Variants in SLC35F4 observed in about 807,000 individuals in gnomAD.
The protein encoded by SLC35F4 is chromosome 14 open reading frame 36.
SLC35F4 carries 24 observed loss-of-function variants against 44.2 expected under a neutral mutation model. The ratio of observed to expected loss-of-function variants is 0.54; its 90% confidence interval spans 0.39 to 0.76. The LOEUF (loss-of-function observed/expected upper bound fraction) is 0.76. Among genes scored for constraint, SLC35F4 ranks in the 30% least tolerant of loss-of-function variants. The probability of loss-of-function intolerance (pLI) is 0.00; values close to 1 mark genes in which losing one functional copy is unlikely to be tolerated. For synonymous variants in SLC35F4, 238 were observed against 223.6 expected (o/e 1.06, Z -0.57); for missense variants, 562 against 586.1 (o/e 0.96, Z 0.42).
chr14:57,611,656 G>A (rs1475589626), intron 1 of SLC35F4, among the ~76,000 whole-genome samples: 1 of 152,084 alleles, frequency 6.6e-6, no homozygotes, highest in Non-Finnish European at 1.5e-5. Context: ...CAAGGAGATT[G>A]AAAGTGAAAG....
chr14:57,661,870 C>T (rs1164625741), intron 1 of SLC35F4, among the ~76,000 whole-genome samples: 1 of 152,120 alleles, frequency 6.6e-6, no homozygotes, highest in Admixed American at 6.6e-5. Context: ...TAATAATGAC[C>T]ACACACTGAG....
At chr14:57,833,017 G>A (rs920574328) in intron 1 of SLC35F4, among the ~76,000 whole-genome samples, 6 of 152,172 alleles carry the variant, frequency 3.9e-5, no homozygotes, top group Non-Finnish European at 5.9e-5. Flanking sequence ...GTAGGAACAC[G>A]AGAGCAGGTG....
chr14:57,964,547 G>A (rs190856742), intron 1 of SLC35F4, among the ~76,000 whole-genome samples: 1 of 152,260 alleles, frequency 6.6e-6, no homozygotes, highest in African/African-American at 2.4e-5. Context: ...TGGCAGTCAA[G>A]AGATTAAAAT....
chr14:57,607,998 G>A (rs774201877), intron 1 of SLC35F4, among the ~76,000 whole-genome samples: 1 of 152,156 alleles, frequency 6.6e-6, no homozygotes, highest in African/African-American at 2.4e-5. Flanking sequence ...AGGAGGACCT[G>A]GTTTGTGGGA....
At chr14:57,653,959 TG>T (rs1233228438) in intron 1 of SLC35F4, among the ~76,000 whole-genome samples, 2 of 152,140 alleles carry the variant, frequency 1.3e-5, no homozygotes, top group African/African-American at 2.4e-5. Context: ...TAGCTTCTGG[TG>T]GTTTGTTGGC....
chr14:57,829,412 C>T (rs1240246145), intron 1 of SLC35F4, among the ~76,000 whole-genome samples: 1 of 152,124 alleles, frequency 6.6e-6, no homozygotes, highest in East Asian at 1.9e-4. Context: ...TGCTGTCATA[C>T]TTTATTAATG....
At chr14:57,690,924 C>T (rs902715778) in intron 1 of SLC35F4, among the ~76,000 whole-genome samples, 1 of 152,138 alleles carries the variant, frequency 6.6e-6, no homozygotes. Context: ...GCCCGCTGCT[C>T]ACCTCCTGCT....
At chr14:57,953,011 G>A (rs868500022) in intron 1 of SLC35F4, among the ~76,000 whole-genome samples, 1 of 152,040 alleles carries the variant, frequency 6.6e-6, no homozygotes, top group African/African-American at 2.4e-5. Flanking sequence ...TTGAAATGAA[G>A]GAAAAAATGT....
rs10131097 is a variant in SLC35F4 at position 57,772,908 on chromosome 14, T to C, written c.103+92815A>G. On this transcript the variant is annotated intron_variant, in intron 1 of 7. Transcript: ENST00000556826. ...TGCCAGATCAAATGGTAGTTCTATT[T>C]TTAGTTCTTTGAGAAATCTCCGTAC... 7.3e-3 allele frequency among the ~76,000 whole-genome samples: 1,107 copies of C among 152,326 alleles called. 11 individuals are homozygous for C. Among genetic ancestry groups the C allele is most frequent in the African/African-American group, 0.025 (1,051 of 41,562 alleles).
At chr14:57,680,873 CACAA>C (rs2074875872) in intron 1 of SLC35F4, among the ~76,000 whole-genome samples, 1 of 151,966 alleles carries the variant, frequency 6.6e-6, no homozygotes, top group African/African-American at 2.4e-5. Flanking sequence ...TAAGAGAGGA[CACAA>C]ACAAATGGAA....
chr14:57,940,278 G>C (rs532210664), intron 1 of SLC35F4, among the ~76,000 whole-genome samples: 1 of 152,246 alleles, frequency 6.6e-6, no homozygotes, highest in East Asian at 1.9e-4. Context: ...TGATGAGAAT[G>C]GGTTTTTTGC....
chr14:57,815,970 T>G (rs192243630), intron 1 of SLC35F4, among the ~76,000 whole-genome samples: 79 of 152,180 alleles, frequency 5.2e-4, no homozygotes, highest in Non-Finnish European at 8.5e-4. Flanking sequence ...AAAAACCTAT[T>G]GATAAAGAAG....
chr14:57,833,878 A>G (rs1299655443), intron 1 of SLC35F4, among the ~76,000 whole-genome samples: 1 of 152,236 alleles, frequency 6.6e-6, no homozygotes. Flanking sequence ...TTTTAAATGC[A>G]CGTTAACAAG....
intron 1 of SLC35F4, among the ~76,000 whole-genome samples, chr14:57,615,207 T>C (rs1275500720): frequency 1.3e-5 from 2 of 152,172 alleles, no homozygotes; most frequent in Non-Finnish European, 2.9e-5. Context: ...GCCATGACAA[T>C]TGAGAACATT....
At position 57,918,708 on chromosome 14, in the gene SLC35F4, C is replaced by G. The variant is rs555004705; in HGVS notation, n.282+63205G>C. ...AGTGAATTGGGACCTTGACCCACAC[C>G]TGCTGCTGACTCTTCTATAGAACTT... On this transcript the variant is annotated intron_variant and non_coding_transcript_variant, in intron 1 of 1. Transcript: ENST00000556568. 4.6e-5 allele frequency among the ~76,000 whole-genome samples: 7 copies of G among 152,266 alleles called. No homozygotes were observed. The South Asian group carries it at 6.2e-4, about 14-fold the overall frequency.
At chr14:57,592,768 C>CCT (rs2070271490) in intron 2 of SLC35F4, among the ~76,000 whole-genome samples, 1 of 152,104 alleles carries the variant, frequency 6.6e-6, no homozygotes, top group Non-Finnish European at 1.5e-5. Flanking sequence ...CTCTGTTTAC[C>CCT]CTTCCCCCAC....
chr14:57,800,598 G>A (rs1313575367), intron 1 of SLC35F4, among the ~76,000 whole-genome samples: 1 of 152,136 alleles, frequency 6.6e-6, no homozygotes, highest in African/African-American at 2.4e-5. Context: ...GTATCCCAAT[G>A]CAAAGAAGCT....
intron 1 of SLC35F4, among the ~76,000 whole-genome samples, chr14:57,709,155 T>C (rs2347349): frequency 0.4 from 60,081 of 151,836 alleles, 11,926 homozygotes; most frequent in Middle Eastern, 0.43. Flanking sequence ...TAGAGTCTTC[T>C]CTAGACTCCC....
At chr14:57,752,720 A>G (rs1037373959) in intron 1 of SLC35F4, among the ~76,000 whole-genome samples, 1 of 152,032 alleles carries the variant, frequency 6.6e-6, no homozygotes, top group African/African-American at 2.4e-5. Context: ...CGGCCTCCCA[A>G]AGTGCTGGGA....
Sources: gnomAD v4.1 joint callset for allele counts (sites outside exome capture counted in the v4.1 genomes callset) on GRCh38, gnomAD v4.1.1 for gene constraint, MANE v1.5 for transcripts, NCBI Gene and HGNC (gene_info 2026-07-23, HGNC 2026-07-21) for gene names.